Variants in KYAT1 observed in about 807,000 individuals in gnomAD.
KYAT1 encodes the protein kynurenine--oxoglutarate transaminase 1.
A neutral mutation model predicts 52.4 loss-of-function variants in KYAT1; 47 were observed. That is an observed-to-expected ratio of 0.90 (90% confidence interval 0.71 to 1.14). The LOEUF (loss-of-function observed/expected upper bound fraction) is 1.14. Ranked by LOEUF, KYAT1 falls within the 50% of genes most tolerant of loss-of-function variation. KYAT1 has a pLI of 0.00. For synonymous variants in KYAT1, 212 were observed against 209.6 expected (o/e 1.01, Z -0.10); for missense variants, 480 against 557.9 (o/e 0.86, Z 1.41).
At chr9:128,867,252 T>C (rs1836527187) in intron 1 of KYAT1, among the ~76,000 whole-genome samples, 1 of 152,172 alleles carries the variant, frequency 6.6e-6, no homozygotes. Flanking sequence ...CAATTATGGC[T>C]CATTGCAGCT....
At chr9:128,856,901 A>G (rs62585573) in intron 1 of KYAT1, among the ~76,000 whole-genome samples, 87 of 152,302 alleles carry the variant, frequency 5.7e-4, no homozygotes, top group East Asian at 2.3e-3. Flanking sequence ...GTGCTGAGGT[A>G]GATTAGTAAA....
chr9:128,870,222 A>T (rs747413966), intron 1 of KYAT1, among the ~76,000 whole-genome samples: 6 of 152,204 alleles, frequency 3.9e-5, no homozygotes, highest in Non-Finnish European at 8.8e-5. Context: ...AACAGGTGAA[A>T]AAAACCCAAA....
chr9:128,835,961 G>A (rs1831007089), intron 8 of KYAT1, 36 bp downstream of exon 8: 7 of 1,601,878 alleles, frequency 4.4e-6, no homozygotes, highest in Non-Finnish European at 6.0e-6. Context: ...CAAGGATCTT[G>A]CAGGGGGTGG....
At chr9:128,846,207 T>A (rs1833068647) in intron 1 of KYAT1, among the ~76,000 whole-genome samples, 1 of 152,150 alleles carries the variant, frequency 6.6e-6, no homozygotes, top group African/African-American at 2.4e-5. Context: ...GGCGGGCAGA[T>A]CACCTGAGGT....
At chr9:128,880,213 T>C (rs1838610742) in intron 1 of KYAT1, among the ~76,000 whole-genome samples, 1 of 152,044 alleles carries the variant, frequency 6.6e-6, no homozygotes, top group Admixed American at 6.6e-5. Context: ...TGGAAAGAGG[T>C]GCCCAAGCCC....
At chr9:128,875,424 G>A (rs541412787) in intron 1 of KYAT1, among the ~76,000 whole-genome samples, 228 of 151,778 alleles carry the variant, frequency 1.5e-3, no homozygotes, top group Non-Finnish European at 2.6e-3. Context: ...GACCAGCCTG[G>A]CCAACATGGT....
At chr9:128,838,722 C>T (rs1831585259) in intron 3 of KYAT1, among the ~76,000 whole-genome samples, 3 of 152,168 alleles carry the variant, frequency 2.0e-5, no homozygotes. Flanking sequence ...TAAGCTCTTC[C>T]ATCTCCTCCA....
At chr9:128,870,621 A>G (rs755972410) in intron 1 of KYAT1, among the ~76,000 whole-genome samples, 9 of 152,168 alleles carry the variant, frequency 5.9e-5, no homozygotes, top group Non-Finnish European at 1.2e-4. Context: ...TGGACAACAG[A>G]GCAAGACCCT....
intron 1 of KYAT1, among the ~76,000 whole-genome samples, chr9:128,858,395 T>A (rs1175717467): frequency 1.5e-4 from 10 of 65,110 alleles, no homozygotes; most frequent in African/African-American, 5.9e-4. Flanking sequence ...AGACCATGTA[T>A]AAAAAAAAAA....
At chr9:128,851,423 C>T (rs1833943053) in intron 1 of KYAT1, among the ~76,000 whole-genome samples, 1 of 152,186 alleles carries the variant, frequency 6.6e-6, no homozygotes, top group East Asian at 1.9e-4. Flanking sequence ...ATCTCAGCTT[C>T]ATTAAAATTC....
rs755877174 is a variant in KYAT1, at chr9:128,856,912, A to T, written c.-6-11501T>A. On this transcript the variant is annotated intron_variant, in intron 1 of 12. Coordinates refer to ENST00000302586, the MANE Select transcript of KYAT1 (RefSeq NM_004059.5). ...GTCTGTGCTGAGGTAGATTAGTAAA[A>T]GAGGAAAGCCTCTTGAAGTTGAAAT... Among the ~76,000 whole-genome samples the T allele has an allele frequency of 1.4e-4, 21 of 152,358 alleles. 1 individual carries two copies. The South Asian group carries it at 2.1e-3, about 15-fold the overall frequency.
Position 128,858,937 on chromosome 9 carries a change from G to A in KYAT1, c.-6-13526C>T, listed in dbSNP as rs1835064859. On this transcript the variant is annotated intron_variant, in intron 1 of 12. Coordinates refer to ENST00000302586, the MANE Select transcript of KYAT1 (RefSeq NM_004059.5). ...GCAAGGGAATTGCTTGGAGGCTAAA[G>A]TGAGCTGAGATTGTGCGTTGCACTC... Among the ~76,000 whole-genome samples the A allele has an allele frequency of 2.0e-5, 3 of 148,350 alleles. No homozygotes were observed. The Admixed American group carries it at 2.0e-4, about 10-fold the overall frequency.
chr9:128,837,560 G>T, intron 6 of KYAT1, 125 bp downstream of exon 6: 1 of 1,125,206 alleles, frequency 8.9e-7, no homozygotes, highest in Non-Finnish European at 1.3e-6. Flanking sequence ...GGTCCTCAGT[G>T]CTCATTGTGT....
At position 128,870,193 on chromosome 9, in the gene KYAT1, A is replaced by C. The variant is rs529832100; in HGVS notation, c.-7+11704T>G. On this transcript the variant is annotated intron_variant, in intron 1 of 12. Coordinates refer to ENST00000302586, the MANE Select transcript of KYAT1 (RefSeq NM_004059.5). ...AAACATGTACACAAATGTTTATATC[A>C]ACAGTATTCATCATAGCCAACAGGT... Among the ~76,000 whole-genome samples, 16 of 152,344 alleles carry C rather than the reference A, an allele frequency of 1.1e-4. No homozygotes were observed. In the South Asian group the frequency reaches 2.7e-3, roughly 26 times the overall value.
chr9:128,851,322 G>A (rs1318386266), intron 1 of KYAT1, among the ~76,000 whole-genome samples: 5 of 152,170 alleles, frequency 3.3e-5, no homozygotes, highest in African/African-American at 7.2e-5. Context: ...AGAGATTCCC[G>A]AGTACGTCCA....
intron 1 of KYAT1, chr9:128,846,745 G>A (rs1252081531): frequency 6.5e-7 from 1 of 1,535,534 alleles, no homozygotes; most frequent in South Asian, 1.2e-5. Context: ...TCAGCAGCAG[G>A]GACCTCACAT....
Position 128,858,399 on chromosome 9 carries a change from A to T in KYAT1, c.-6-12988T>A, listed in dbSNP as rs113964867. Reference sequence around the variant, plus strand: ...GCAACAGAGTGAGACCATGTATAAAAAAAAAAAAAAAAAAAAGCCCGGGCA... The same window carrying T: ...GCAACAGAGTGAGACCATGTATAAATAAAAAAAAAAAAAAAAGCCCGGGCA... On this transcript the variant is annotated intron_variant, in intron 1 of 12. Coordinates refer to ENST00000302586, the MANE Select transcript of KYAT1 (RefSeq NM_004059.5). Among the ~76,000 whole-genome samples the T allele has an allele frequency of 2.8e-5, 4 of 141,734 alleles. 1 individual carries two copies. Among genetic ancestry groups the T allele is most frequent in the Non-Finnish European group, 6.1e-5 (4 of 65,094 alleles). The allele number at this position is 141,734 out of a possible 152,430, so 93.0% of individuals were successfully genotyped here. A position where few individuals can be genotyped will look rare whatever the true frequency, so the allele number is the denominator to read the frequency against.
At chr9:128,851,713 G>A in intron 1 of KYAT1, among the ~76,000 whole-genome samples, 1 of 152,220 alleles carries the variant, frequency 6.6e-6, no homozygotes, top group Non-Finnish European at 1.5e-5. Context: ...GTGATAGATT[G>A]TGAAGAAGAG....
intron 1 of KYAT1, among the ~76,000 whole-genome samples, chr9:128,854,295 A>G (rs141690824): frequency 1.0e-3 from 152 of 152,344 alleles, no homozygotes; most frequent in African/African-American, 2.9e-3. Context: ...TTTTTTTAAC[A>G]TTTATAGAAA....
Sources: gnomAD v4.1 joint callset for allele counts (sites outside exome capture counted in the v4.1 genomes callset) on GRCh38, gnomAD v4.1.1 for gene constraint, MANE v1.5 for transcripts, NCBI Gene and HGNC (gene_info 2026-07-23, HGNC 2026-07-21) for gene names.